The following RPS6KA3 variants were observed in gnomAD, a reference collection of about 807,000 sequenced individuals.
RPS6KA3 encodes the protein ribosomal protein S6 kinase A3.
Under a neutral mutation model 67.2 loss-of-function variants are expected in RPS6KA3, and 4 were observed. The observed-to-expected ratio is 0.06, with a 90% confidence interval of 0.03 to 0.14. The LOEUF (loss-of-function observed/expected upper bound fraction) is 0.14. Ranked by LOEUF, RPS6KA3 falls within the 10% of genes least tolerant of loss-of-function variation. The pLI is 1.00. For synonymous variants in RPS6KA3, 182 were observed against 183.7 expected (o/e 0.99, Z 0.07); for missense variants, 204 against 559.0 (o/e 0.36, Z 6.40).
chrX:20,262,022 CA>C (rs2070244682), intron 1 of RPS6KA3, among the ~76,000 whole-genome samples: 1 of 111,678 alleles, frequency 9.0e-6, no homozygotes. Flanking sequence ...TGTTATCCAC[CA>C]AAGCACATAA....
rs754409176 is a variant in RPS6KA3, at chrX:20,176,578, CTAATTAATTAAT to C, written c.935-92_935-81del. 3.2e-5 allele frequency: 19 copies of C among 586,954 alleles called. No homozygotes were observed. In the South Asian group the frequency reaches 4.7e-4, roughly 14 times the overall value. The allele number at this position is 586,954 out of a possible 1,213,427, so 48.4% of individuals were successfully genotyped here. On this transcript the variant is annotated intron_variant, in intron 11 of 21. Transcript: ENST00000379565. The stretch of plus-strand genomic sequence containing the variant: ...CTCAGCCTTTGTTTTCAATACTTGT[CTAATTAATTAAT>C]TAATTAATTAATTAATTTTGAGACA...
intron 4 of RPS6KA3, among the ~76,000 whole-genome samples, chrX:20,201,616 G>A (rs923497018): frequency 9.0e-6 from 1 of 110,873 alleles, no homozygotes; most frequent in African/African-American, 3.3e-5. Flanking sequence ...GAATTATATT[G>A]CAAGAAAGAG....
At chrX:20,255,794 A>G (rs2070034175) in intron 1 of RPS6KA3, among the ~76,000 whole-genome samples, 1 of 90,570 alleles carries the variant, frequency 1.1e-5, no homozygotes, top group Non-Finnish European at 2.1e-5. Context: ...CGTCTCAAAA[A>G]AAAAAAAAAA....
intron 2 of RPS6KA3, among the ~76,000 whole-genome samples, chrX:20,210,236 T>C (rs2068678440): frequency 8.9e-6 from 1 of 112,154 alleles, no homozygotes; most frequent in South Asian, 3.7e-4. Context: ...GATTAGGTTA[T>C]CTTATTTAAT....
chrX:20,169,149 G>A (rs773537186), intron 16 of RPS6KA3, among the ~76,000 whole-genome samples: 1 of 111,435 alleles, frequency 9.0e-6, no homozygotes, highest in Non-Finnish European at 1.9e-5. Flanking sequence ...CACTGTGCTC[G>A]GCCTGGCTAA....
At chrX:20,247,648 G>A (rs1215810617) in intron 1 of RPS6KA3, among the ~76,000 whole-genome samples, 5 of 110,011 alleles carry the variant, frequency 4.5e-5, no homozygotes, top group Admixed American at 9.6e-5. Flanking sequence ...TTAGCCAGGC[G>A]TGGCAGTGGG....
At chrX:20,245,053 G>T (rs916704595) in intron 1 of RPS6KA3, among the ~76,000 whole-genome samples, 1 of 111,876 alleles carries the variant, frequency 8.9e-6, no homozygotes, top group Middle Eastern at 4.6e-3. Context: ...TGGAAAAGTT[G>T]CTTTTTTCTG....
At chrX:20,224,607 AT>A (rs766372765) in intron 2 of RPS6KA3, among the ~76,000 whole-genome samples, 6 of 111,822 alleles carry the variant, frequency 5.4e-5, no homozygotes, top group Non-Finnish European at 1.1e-4. Context: ...AGGACAGTTA[AT>A]TTTTTTAAGC....
intron 1 of RPS6KA3, among the ~76,000 whole-genome samples, chrX:20,251,992 T>C (rs1249686114): frequency 8.9e-6 from 1 of 112,253 alleles, no homozygotes; most frequent in Non-Finnish European, 1.9e-5. Context: ...CACCAGGCTC[T>C]TGAGGCTCTG....
intron 20 of RPS6KA3, among the ~76,000 whole-genome samples, chrX:20,159,263 T>C (rs1159555504): frequency 1.8e-5 from 2 of 112,233 alleles, no homozygotes; most frequent in African/African-American, 6.5e-5. Flanking sequence ...TCCCTAATAT[T>C]AGGTCAGTGA....
chrX:20,225,255 G>GTTTTTTTTTTTT (rs1171338918), intron 2 of RPS6KA3, among the ~76,000 whole-genome samples: 7 of 69,671 alleles, frequency 1.0e-4, no homozygotes, highest in Non-Finnish European at 2.0e-4. Context: ...TTTTTTTTTT[G>GTTTTTTTTTTTT]TTTTTTTTTT....
chrX:20,216,606 AAAG>A (rs1347963132), intron 2 of RPS6KA3, among the ~76,000 whole-genome samples: 2 of 110,755 alleles, frequency 1.8e-5, no homozygotes, highest in African/African-American at 3.3e-5. Context: ...AATTTTCAAT[AAAG>A]AAGTCAGGGC....
intron 1 of RPS6KA3, among the ~76,000 whole-genome samples, chrX:20,246,864 C>G (rs59400625): frequency 0.028 from 3,160 of 111,766 alleles, 109 homozygotes; most frequent in African/African-American, 0.093. Flanking sequence ...CTGTTTAACA[C>G]AATTCTTGTT....
chrX:20,188,835 C>T (rs1304586670), intron 7 of RPS6KA3, among the ~76,000 whole-genome samples: 3 of 112,912 alleles, frequency 2.7e-5, no homozygotes, highest in Admixed American at 9.3e-5. Flanking sequence ...TTTCTGCAGA[C>T]GTAGTTTGAC....
rs2067129816 is a variant in RPS6KA3 at position 20,153,082 on chromosome X, T to G, written c.*2316A>C. 8.9e-6 allele frequency: 1 copy of G among 112,141 alleles called. No homozygotes were observed. 9.2% of individuals were successfully genotyped at this position (112,141 alleles called of 1,213,427 possible). A position where few individuals can be genotyped will look rare whatever the true frequency, so the allele number is the denominator to read the frequency against. ...GTTTACTTCTAGTTCTAAAATACTA[T>G]GATGGACAATACTCCTAAGCAATTA... On this transcript the variant is annotated 3_prime_UTR_variant, in exon 22 of 22. Transcript: ENST00000379565.
intron 17 of RPS6KA3, 144 bp from the exon 18 acceptor site, chrX:20,165,204 A>G (rs926970210): frequency 2.8e-5 from 14 of 503,506 alleles, no homozygotes; most frequent in Non-Finnish European, 4.9e-5. Context: ...AAATACTGAT[A>G]ATGTAAAGCA....
At chrX:20,247,988 T>A (rs1250390804) in intron 1 of RPS6KA3, among the ~76,000 whole-genome samples, 1 of 111,599 alleles carries the variant, frequency 9.0e-6, no homozygotes, top group Non-Finnish European at 1.9e-5. Flanking sequence ...TTTTCTTCAT[T>A]TAGGTCTTGT....
chrX:20,241,436 AAAAG>A (rs775795886), intron 1 of RPS6KA3, among the ~76,000 whole-genome samples: 67 of 110,093 alleles, frequency 6.1e-4, no homozygotes, highest in East Asian at 8.4e-4. Flanking sequence ...AATGAAAAAA[AAAAG>A]AAAGAAAGAA....
Position 20,209,394 on chromosome X carries a change from CT to C in RPS6KA3, c.136del (p.Ser46ValfsTer11). ...ATGTGTGATTGCAATTTCTTTGATA[CT>C]GACTTCTTCCTGTTGAGATAAACGT... ...EEINPQTEEV[S>X]IKEIAITHHV... On this transcript the variant is annotated frameshift_variant, in exon 3 of 22. Coordinates refer to ENST00000379565, the MANE Select transcript of RPS6KA3 (RefSeq NM_004586.3). LOFTEE classifies it high-confidence loss of function. 8.9e-7 allele frequency: 1 copy of C among 1,129,672 alleles called. No homozygotes were observed. The highest frequency in any genetic ancestry group is 1.2e-6 in the Non-Finnish European group (1 of 820,868). 93.1% of individuals were successfully genotyped at this position (1,129,672 alleles called of 1,213,427 possible). A position where few individuals can be genotyped will look rare whatever the true frequency, so the allele number is the denominator to read the frequency against.
Sources: gnomAD v4.1 joint callset for allele counts (sites outside exome capture counted in the v4.1 genomes callset) on GRCh38, gnomAD v4.1.1 for gene constraint, MANE v1.5 for transcripts, NCBI Gene and HGNC (gene_info 2026-07-23, HGNC 2026-07-21) for gene names.